Variants in RAD23B observed in about 807,000 individuals in gnomAD.
RAD23B encodes RAD23 nucleotide excision repair protein B.
In RAD23B, 5 loss-of-function variants were observed where a neutral mutation model predicts 49.1. That is an observed-to-expected ratio of 0.10 (90% CI 0.05 to 0.21). The LOEUF is 0.21. RAD23B is among the 10% of genes least tolerant of loss of function. The pLI, the probability that RAD23B is intolerant of heterozygous loss-of-function variation, is 1.00. For missense variants in RAD23B, 356 were observed against 486.7 expected, an observed-to-expected ratio of 0.73 and a Z score of 2.53; for synonymous variants, 184 against 165.4, an observed-to-expected ratio of 1.11 and a Z score of -0.86.
At chr9:107,284,651 G>A in intron 1 of RAD23B, 21 of 994,144 alleles carry the variant, frequency 2.1e-5, no homozygotes, top group Non-Finnish European at 2.4e-5. Context: ...CGCTGTGAGT[G>A]TAAATTTACT....
rs145929895 is a variant in RAD23B, at chr9:107,294,057, A to G, written c.67-6084A>G. On this transcript the variant is annotated intron_variant, in intron 1 of 9. Transcript: ENST00000358015. ...CTACTTTTAATGGTTGTTGGCCTGA[A>G]CTAGAATAGTGCCAGTGCCACAGAG... Among the ~76,000 whole-genome samples, 108 of 152,330 alleles carry G rather than the reference A, an allele frequency of 7.1e-4. 1 individual carries two copies. In the East Asian group the frequency reaches 0.02, roughly 29 times the overall value.
In RAD23B at chr9:107,318,658, G is replaced by A. The variant is rs1463792991; in HGVS notation, c.554-94G>A. 1.5e-6 allele frequency: 2 copies of A among 1,317,750 alleles called. No individual in the cohort carries two copies. The highest frequency in any genetic ancestry group is 1.0e-6 in the Non-Finnish European group (1 of 954,186). The allele number at this position is 1,317,750 out of a possible 1,614,324, so 81.6% of individuals were successfully genotyped here. On this transcript the variant is annotated intron_variant, in intron 5 of 9. Coordinates refer to ENST00000358015, the MANE Select transcript of RAD23B (RefSeq NM_002874.5). The surrounding 1 kb of genome is among the most constrained non-coding windows in gnomAD (Gnocchi z 4.3). ...TCATCTTTGTATTCCCAGCATAGTAGTTCCTGAAATGTTGTATACATGAAT... is the reference window on the plus strand; with the variant it reads ...TCATCTTTGTATTCCCAGCATAGTAATTCCTGAAATGTTGTATACATGAAT...
Position 107,330,526 on chromosome 9 carries a change from C to A in RAD23B, c.*870C>A, listed in dbSNP as rs963392849. 2.0e-5 allele frequency: 3 copies of A among 152,632 alleles called. No individual in the cohort carries two copies. The highest frequency in any genetic ancestry group is 4.4e-5 in the Non-Finnish European group (3 of 68,040). 9.5% of individuals were successfully genotyped at this position (152,632 alleles called of 1,614,324 possible). A position where few individuals can be genotyped will look rare whatever the true frequency, so the allele number is the denominator to read the frequency against. On this transcript the variant is annotated 3_prime_UTR_variant, in exon 10 of 10. Transcript: ENST00000358015. The surrounding 1 kb of genome is among the most constrained non-coding windows in gnomAD (Gnocchi z 4.4). ...CCAATGGAGAAATGCAGCATTCACT[C>A]TCCCTGTCTTTTCCCCTTCCCTCAG... is the stretch of plus-strand genomic sequence containing the variant.
At chr9:107,294,969 C>T (rs1044715465) in intron 1 of RAD23B, among the ~76,000 whole-genome samples, 1 of 151,894 alleles carries the variant, frequency 6.6e-6, no homozygotes, top group Non-Finnish European at 1.5e-5. Flanking sequence ...CAGGTCAGTA[C>T]TGTCACACGT....
chr9:107,305,395 C>T (rs575967880), intron 3 of RAD23B, among the ~76,000 whole-genome samples: 2 of 152,280 alleles, frequency 1.3e-5, no homozygotes, highest in South Asian at 4.1e-4. Context: ...CTTGTCTTCA[C>T]ACTGAATAGG....
Position 107,318,911 on chromosome 9 carries a change from G to T in RAD23B, c.681+32G>T, listed in dbSNP as rs375493427. 1 of 1,574,128 alleles carries T rather than the reference G, an allele frequency of 6.4e-7. No homozygotes were observed. Among genetic ancestry groups the T allele is most frequent in the Non-Finnish European group, 8.7e-7 (1 of 1,153,528 alleles). ...AATATGTTTTACTTTACTCCATTCT[G>T]TTGTTTAAGATTAAAATCTCAAAGA... is the stretch of plus-strand genomic sequence containing the variant. On this transcript the variant is annotated intron_variant, in intron 6 of 9. Transcript: ENST00000358015. This position sits in a 1 kb window ranked among gnomAD's most constrained non-coding sequence, Gnocchi z 4.3.
intron 9 of RAD23B, among the ~76,000 whole-genome samples, chr9:107,325,313 C>CAAAAAAAAAAAAAA (rs34042765): frequency 8.6e-4 from 53 of 61,384 alleles, no homozygotes; most frequent in African/African-American, 3.5e-3. Context: ...GACTCTGTCT[C>CAAAAAAAAAAAAAA]AAAAAAAAAA....
At chr9:107,297,706 CTTT>C (rs370317056) in intron 1 of RAD23B, among the ~76,000 whole-genome samples, 7 of 132,048 alleles carry the variant, frequency 5.3e-5, no homozygotes, top group Admixed American at 7.5e-5. Flanking sequence ...ACTAAAGGGC[CTTT>C]TTTTTTTTTT....
At chr9:107,313,052 T>C (rs1826921232) in intron 5 of RAD23B, among the ~76,000 whole-genome samples, 1 of 152,168 alleles carries the variant, frequency 6.6e-6, no homozygotes. Flanking sequence ...CTTTTTTATT[T>C]TATTTTATTT....
At chr9:107,319,226 G>C (rs1195218537) in intron 6 of RAD23B, among the ~76,000 whole-genome samples, 2 of 141,696 alleles carry the variant, frequency 1.4e-5, no homozygotes, top group African/African-American at 5.5e-5. Flanking sequence ...CACCTCCCAG[G>C]TTCACGCCTT....
chr9:107,304,748 AG>A (rs1826725742), intron 3 of RAD23B, among the ~76,000 whole-genome samples: 1 of 152,134 alleles, frequency 6.6e-6, no homozygotes, highest in Admixed American at 6.5e-5. Context: ...AGGCCTTAGG[AG>A]AAGACTAAAA....
chr9:107,329,404 C>G lies in RAD23B; in HGVS notation c.1117-139C>G, dbSNP rs1827267341. 1.3e-5 allele frequency: 7 copies of G among 549,560 alleles called. No homozygotes were observed. The South Asian group carries it at 1.8e-4, about 14-fold the overall frequency. The allele number at this position is 549,560 out of a possible 1,614,324, so 34.0% of individuals were successfully genotyped here. A position where few individuals can be genotyped will look rare whatever the true frequency, so the allele number is the denominator to read the frequency against. ...TAGAGATGAATTCATGTAAAATTCT[C>G]AAGAGCTTTTTTGGGTTGCAGTATG... is the stretch of plus-strand genomic sequence containing the variant. On this transcript the variant is annotated intron_variant, in intron 9 of 9. Coordinates refer to ENST00000358015, the MANE Select transcript of RAD23B (RefSeq NM_002874.5).
At chr9:107,325,206 T>G in intron 9 of RAD23B, 1 of 373,384 alleles carries the variant, frequency 2.7e-6, no homozygotes, top group South Asian at 2.4e-5. Context: ...CTCAGCTACT[T>G]GGGAGGCTGA....
chr9:107,294,722 T>G (rs1347177416), intron 1 of RAD23B, among the ~76,000 whole-genome samples: 1 of 152,250 alleles, frequency 6.6e-6, no homozygotes, highest in East Asian at 1.9e-4. Context: ...AGGTGTTCAG[T>G]AGAGAGTTAA....
chr9:107,306,725 T>G, intron 4 of RAD23B, 78 bp downstream of exon 4: 4 of 1,460,670 alleles, frequency 2.7e-6, no homozygotes, highest in Non-Finnish European at 3.7e-6. Flanking sequence ...TTGATTATTG[T>G]TTTGATCAAA....
chr9:107,307,806 A>G (rs903321769), intron 4 of RAD23B, among the ~76,000 whole-genome samples: 2 of 152,204 alleles, frequency 1.3e-5, no homozygotes, highest in Non-Finnish European at 2.9e-5. Context: ...AGAAGACAAC[A>G]TGGGTTTAGG....
At chr9:107,300,030 G>T in intron 1 of RAD23B, 111 bp from the exon 2 acceptor site, 1 of 1,316,406 alleles carries the variant, frequency 7.6e-7, no homozygotes, top group Admixed American at 3.0e-5. Flanking sequence ...TGAGGTTTTG[G>T]AAACATTAAT....
chr9:107,311,156 C>T (rs1826880170), intron 4 of RAD23B, among the ~76,000 whole-genome samples: 2 of 152,136 alleles, frequency 1.3e-5, no homozygotes. Context: ...TTGGATTTAA[C>T]CCATATCTAC....
In RAD23B at chr9:107,323,994, C is replaced by T. The variant is rs1167069133; in HGVS notation, c.922C>T (p.Arg308Ter). The T allele has an allele frequency of 1.2e-6, 2 of 1,613,218 alleles. No individual in the cohort carries two copies. The highest frequency in any genetic ancestry group is 1.7e-6 in the Non-Finnish European group (2 of 1,179,410). The change falls in exon 8 of 10, where the codon CGA becomes TGA. Residue 308 changes from arginine (R) to a stop codon, truncating the protein, a stop_gained. Coordinates refer to ENST00000358015, the MANE Select transcript of RAD23B (RefSeq NM_002874.5). LOFTEE classifies it high-confidence loss of function. ...LLPALLQQIG[R>*]ENPQLLQQIS... ...TCCAGCGTTACTACAGCAGATAGGT[C>T]GAGAGAATCCTCAATTACTTCAGGT...
Sources: allele counts gnomAD v4.1 joint callset (sites outside exome capture counted in the v4.1 genomes callset), GRCh38; gene constraint gnomAD v4.1.1; non-coding constraint Gnocchi (gnomAD v3.1); transcripts MANE v1.5; gene names NCBI Gene and HGNC (gene_info 2026-07-23, HGNC 2026-07-21).